COMMD10: variants seen among roughly 807,000 people sequenced by gnomAD.
COMMD10 encodes COMM domain containing 10.
A neutral mutation model predicts 28.9 loss-of-function variants in COMMD10; 33 were observed. The ratio of observed to expected loss-of-function variants is 1.14; its 90% confidence interval spans 0.87 to 1.53. COMMD10 has a LOEUF of 1.53. COMMD10 is among the 40% of genes most tolerant of loss of function. The probability of loss-of-function intolerance (pLI) is 0.00; values close to 1 mark genes in which losing one functional copy is unlikely to be tolerated. For missense variants in COMMD10, 310 were observed against 233.4 expected, an observed-to-expected ratio of 1.33 and a Z score of -2.14; for synonymous variants, 110 against 81.7, an observed-to-expected ratio of 1.35 and a Z score of -1.87.
chr5:116,233,728 G>C (rs976643594), intron 5 of COMMD10, among the ~76,000 whole-genome samples: 9 of 152,122 alleles, frequency 5.9e-5, no homozygotes, highest in African/African-American at 2.2e-4. Flanking sequence ...TGAGAAGAAA[G>C]TGAGCTTGGT....
chr5:116,120,612 C>T (rs1751399067), intron 4 of COMMD10, among the ~76,000 whole-genome samples: 1 of 152,276 alleles, frequency 6.6e-6, no homozygotes, highest in Non-Finnish European at 1.5e-5. Flanking sequence ...AACCCCTGCT[C>T]TACATTCTGT....
chr5:116,238,244 G>T (rs1309546404), intron 5 of COMMD10, among the ~76,000 whole-genome samples: 1 of 152,152 alleles, frequency 6.6e-6, no homozygotes, highest in Admixed American at 6.5e-5. Flanking sequence ...TCAGTAAATT[G>T]TCAGATTGTT....
chr5:116,122,977 C>G lies in COMMD10; in HGVS notation c.400-11091C>G, dbSNP rs376334159. ...AACTGAATACCCTTTATTTCTTTCT[C>G]TTGCCTGCTTGCCCTGGCCAGAACT... On this transcript the variant is annotated intron_variant, in intron 4 of 6. Coordinates refer to ENST00000274458, the MANE Select transcript of COMMD10 (RefSeq NM_016144.4). Among the ~76,000 whole-genome samples the G allele has an allele frequency of 2.0e-5, 3 of 152,244 alleles. No individual in the cohort carries two copies. In the East Asian group the frequency reaches 5.8e-4, roughly 29 times the overall value.
intron 2 of COMMD10, among the ~76,000 whole-genome samples, chr5:116,089,905 A>G (rs1192534990): frequency 6.6e-6 from 1 of 152,142 alleles, no homozygotes; most frequent in Admixed American, 6.5e-5. Context: ...TCAAGTTTGC[A>G]GTGCATTTCA....
At chr5:116,182,240 C>G (rs1363219992) in intron 5 of COMMD10, among the ~76,000 whole-genome samples, 1 of 151,924 alleles carries the variant, frequency 6.6e-6, no homozygotes, top group African/African-American at 2.4e-5. Flanking sequence ...TTTCTTTACT[C>G]TAAGAACTGA....
chr5:116,224,170 A>G (rs1176259997), intron 5 of COMMD10, among the ~76,000 whole-genome samples: 5 of 152,160 alleles, frequency 3.3e-5, no homozygotes, highest in Non-Finnish European at 5.9e-5. Context: ...AATTGAACCA[A>G]TGTATCTTTT....
At chr5:116,125,797 A>G (rs553243149) in intron 4 of COMMD10, among the ~76,000 whole-genome samples, 2 of 151,568 alleles carry the variant, frequency 1.3e-5, no homozygotes, top group Admixed American at 6.6e-5. Flanking sequence ...CATTCATTTG[A>G]TCGTCAGTCA....
chr5:116,199,240 T>A (rs1166620329), intron 5 of COMMD10, among the ~76,000 whole-genome samples: 2 of 152,160 alleles, frequency 1.3e-5, no homozygotes, highest in African/African-American at 4.8e-5. Context: ...ATATATTTAT[T>A]TGGCATCTGT....
chr5:116,175,130 C>G (rs559302656), intron 5 of COMMD10, among the ~76,000 whole-genome samples: 9 of 152,188 alleles, frequency 5.9e-5, no homozygotes, highest in South Asian at 2.1e-4. Context: ...TTAAAACACT[C>G]CCGCATTACT....
intron 5 of COMMD10, among the ~76,000 whole-genome samples, chr5:116,264,561 A>T (rs1278563075): frequency 6.6e-6 from 1 of 151,866 alleles, no homozygotes; most frequent in African/African-American, 2.4e-5. Context: ...AAGTCACGTA[A>T]AGGTCAAGTC....
chr5:116,210,592 G>C (rs1403386032), intron 5 of COMMD10, among the ~76,000 whole-genome samples: 1 of 151,990 alleles, frequency 6.6e-6, no homozygotes, highest in African/African-American at 2.4e-5. Context: ...TGTTTATCTA[G>C]TCAGCATTTA....
chr5:116,217,775 G>A (rs1040537623), intron 5 of COMMD10, among the ~76,000 whole-genome samples: 9 of 152,114 alleles, frequency 5.9e-5, no homozygotes, highest in African/African-American at 2.2e-4. Flanking sequence ...CCTCCTGGGA[G>A]CCAAGAGTAA....
chr5:116,198,674 T>A (rs1748589189), intron 5 of COMMD10, among the ~76,000 whole-genome samples: 1 of 152,186 alleles, frequency 6.6e-6, no homozygotes. Context: ...CAGTCCTGTT[T>A]TACATTTTCA....
chr5:116,114,295 A>C (rs1362658530), intron 4 of COMMD10, among the ~76,000 whole-genome samples: 1 of 151,908 alleles, frequency 6.6e-6, no homozygotes, highest in Non-Finnish European at 1.5e-5. Context: ...GTAGCAGTGT[A>C]CTGGGCAAGT....
At chr5:116,236,485 C>T (rs545252172) in intron 5 of COMMD10, among the ~76,000 whole-genome samples, 11 of 106,770 alleles carry the variant, frequency 1.0e-4, no homozygotes, top group Non-Finnish European at 1.2e-4. Flanking sequence ...GCCTGGGTGA[C>T]AAGAGCAAGA....
intron 5 of COMMD10, among the ~76,000 whole-genome samples, chr5:116,139,631 A>T: frequency 6.6e-6 from 1 of 150,660 alleles, no homozygotes; most frequent in Middle Eastern, 3.2e-3. Context: ...TCATATCTTT[A>T]TTAGAATAAA....
chr5:116,152,840 T>C (rs925772762), intron 5 of COMMD10, among the ~76,000 whole-genome samples: 4 of 152,120 alleles, frequency 2.6e-5, no homozygotes. Context: ...ATGAGAATTA[T>C]AAGCATAAAC....
intron 5 of COMMD10, among the ~76,000 whole-genome samples, chr5:116,155,835 A>T (rs1034284457): frequency 1.3e-5 from 2 of 152,108 alleles, no homozygotes; most frequent in South Asian, 4.1e-4. Context: ...TATTAGGAGC[A>T]TTAATTATCT....
chr5:116,261,511 C>T (rs764728521), intron 5 of COMMD10, among the ~76,000 whole-genome samples: 2 of 151,654 alleles, frequency 1.3e-5, no homozygotes, highest in Non-Finnish European at 2.9e-5. Flanking sequence ...TCAGTGCAGC[C>T]TGCAGCTGGG....
Sources: allele counts gnomAD v4.1 joint callset (sites outside exome capture counted in the v4.1 genomes callset), GRCh38; gene constraint gnomAD v4.1.1; transcripts MANE v1.5; gene names NCBI Gene and HGNC (gene_info 2026-07-23, HGNC 2026-07-21).